Variants in ALPK3 observed in about 807,000 individuals in gnomAD.
The protein encoded by ALPK3 is alpha kinase 3, also known as alpha-protein kinase 3.
A neutral mutation model predicts 140.0 loss-of-function variants in ALPK3; 102 were observed. The observed-to-expected ratio is 0.73, with a 90% CI of 0.62 to 0.86. The LOEUF is 0.86. Ranked by LOEUF, ALPK3 falls within the 40% of genes least tolerant of loss-of-function variation. The probability of loss-of-function intolerance (pLI) is 0.00; values close to 1 mark genes in which losing one functional copy is unlikely to be tolerated. For synonymous variants in ALPK3, 938 were observed against 898.5 expected, an observed-to-expected ratio of 1.04 and a Z score of -0.79; for missense variants, 2,254 against 2,208.2, an observed-to-expected ratio of 1.02 and a Z score of -0.42.
chr15:84,847,205 CGGGGAGAGAGAGAGAGAGAG>C (rs1353610720), intron 5 of ALPK3, among the ~76,000 whole-genome samples: 6 of 106,944 alleles, frequency 5.6e-5, no homozygotes, highest in East Asian at 2.8e-4. Context: ...GAGGGAGAAA[CGGGGAGAGAGAGAGAGAGAG>C]AGAGAGAGAG....
At chr15:84,830,375 A>ATT (rs915986504) in intron 3 of ALPK3, among the ~76,000 whole-genome samples, 4 of 151,750 alleles carry the variant, frequency 2.6e-5, no homozygotes, top group African/African-American at 9.7e-5. Flanking sequence ...TTCTTGGTTT[A>ATT]TTTTTTTGCG....
intron 5 of ALPK3, among the ~76,000 whole-genome samples, chr15:84,847,857 G>A (rs28849813): frequency 1.3e-5 from 2 of 152,212 alleles, no homozygotes; most frequent in Middle Eastern, 3.4e-3. Context: ...TCATGAGTTC[G>A]AGACCAGCCT....
intron 3 of ALPK3, among the ~76,000 whole-genome samples, chr15:84,836,207 A>T (rs1963595669): frequency 6.6e-6 from 1 of 152,210 alleles, no homozygotes; most frequent in South Asian, 2.1e-4. Flanking sequence ...GGGTGGGTGC[A>T]TCAAGCTGGG....
At chr15:84,842,952 C>T (rs1481787999) in intron 5 of ALPK3, among the ~76,000 whole-genome samples, 1 of 152,178 alleles carries the variant, frequency 6.6e-6, no homozygotes, top group Non-Finnish European at 1.5e-5. Context: ...GCCCTCATAG[C>T]TCATTTAGGA....
intron 5 of ALPK3, among the ~76,000 whole-genome samples, chr15:84,851,789 C>G (rs1963805201): frequency 6.6e-6 from 1 of 152,138 alleles, no homozygotes; most frequent in African/African-American, 2.4e-5. Context: ...GATTTCTAGT[C>G]TATTGCAATT....
chr15:84,858,937 G>A (rs1367812307), intron 6 of ALPK3, among the ~76,000 whole-genome samples: 2 of 152,216 alleles, frequency 1.3e-5, no homozygotes, highest in Non-Finnish European at 2.9e-5. Context: ...GGCTTCCAGA[G>A]TTAGGGACCT....
chr15:84,844,556 A>G (rs1963707014), intron 5 of ALPK3, among the ~76,000 whole-genome samples: 1 of 152,158 alleles, frequency 6.6e-6, no homozygotes, highest in Admixed American at 6.5e-5. Context: ...AATACCTAGA[A>G]ACTATAAAAA....
chr15:84,845,835 G>C (rs1963724295), intron 5 of ALPK3, among the ~76,000 whole-genome samples: 1 of 152,208 alleles, frequency 6.6e-6, no homozygotes, highest in South Asian at 2.1e-4. Flanking sequence ...GAAGCAGGCA[G>C]ATCACTTGAG....
At chr15:84,850,634 A>T (rs563201198) in intron 5 of ALPK3, among the ~76,000 whole-genome samples, 75 of 152,048 alleles carry the variant, frequency 4.9e-4, no homozygotes, top group Middle Eastern at 3.4e-3. Flanking sequence ...CAATTCTCCT[A>T]CAATGGCTTC....
Position 84,857,702 on chromosome 15 carries a change from CGGA to C in ALPK3, c.2967_2969del (p.Gly990del). The C allele has an allele frequency of 6.2e-7, 1 of 1,611,412 alleles. No homozygotes were observed. The highest frequency in any genetic ancestry group is 1.1e-5 in the South Asian group (1 of 91,020). On this transcript the variant is annotated inframe_deletion, in exon 6 of 14. Transcript: ENST00000258888. ...GAGAGTCCCAGGTGGGGGCAGCCAC[CGGA>C]GGTCTGGTGCCCTCAGCCACTCTGA...
chr15:84,841,896 G>T (rs978088021), intron 5 of ALPK3, among the ~76,000 whole-genome samples: 2 of 152,158 alleles, frequency 1.3e-5, no homozygotes, highest in Admixed American at 6.5e-5. Flanking sequence ...TCTTATGAGT[G>T]GCAGAAGGAA....
At chr15:84,825,257 A>G (rs1052635476) in intron 2 of ALPK3, among the ~76,000 whole-genome samples, 3 of 151,824 alleles carry the variant, frequency 2.0e-5, no homozygotes, top group Admixed American at 1.3e-4. Flanking sequence ...GCTCACTGCA[A>G]CCTCTGCCTG....
At position 84,872,067 on chromosome 15, in the gene ALPK3, C is replaced by G. The variant is rs1452413535; in HGVS notation, c.*3611C>G. 2.6e-5 allele frequency: 4 copies of G among 152,280 alleles called. No homozygotes were observed. The highest frequency in any genetic ancestry group is 9.6e-5 in the African/African-American group (4 of 41,466). The allele number at this position is 152,280 out of a possible 1,614,324, so 9.4% of individuals were successfully genotyped here. On this transcript the variant is annotated 3_prime_UTR_variant, in exon 14 of 14. Coordinates refer to ENST00000258888, the MANE Select transcript of ALPK3 (RefSeq NM_020778.5). ...CCCACACACGACCCACTGGTGCCTTCAGAGCCTTAGCCTGGAGCGACAGTG... is the reference window on the plus strand; with the variant it reads ...CCCACACACGACCCACTGGTGCCTTGAGAGCCTTAGCCTGGAGCGACAGTG...
At chr15:84,831,931 GCTCTCAGCATAAGA>G in intron 3 of ALPK3, among the ~76,000 whole-genome samples, 1 of 152,222 alleles carries the variant, frequency 6.6e-6, no homozygotes, top group African/African-American at 2.4e-5. Context: ...GGTTGGGTGG[GCTCTCAGCATAAGA>G]CATTTATTTT....
chr15:84,863,364 G>A (rs919190329), intron 10 of ALPK3, among the ~76,000 whole-genome samples, 188 bp from the exon 11 acceptor site: 3 of 152,138 alleles, frequency 2.0e-5, no homozygotes, highest in Admixed American at 1.3e-4. Context: ...GTCCAAAGCC[G>A]CTTGTTATAC....
chr15:84,864,714 G>A, intron 12 of ALPK3, 49 bp downstream of exon 12: 2 of 1,560,566 alleles, frequency 1.3e-6, no homozygotes, highest in Non-Finnish European at 8.8e-7. Context: ...GGATGTGAAA[G>A]CATGCAGAGG....
At chr15:84,865,392 G>A (rs185514774) in intron 12 of ALPK3, among the ~76,000 whole-genome samples, 9 of 151,956 alleles carry the variant, frequency 5.9e-5, no homozygotes, top group Non-Finnish European at 1.3e-4. Flanking sequence ...GATATAAAAC[G>A]GACTCAAATG....
chr15:84,817,382 CGGGGGCCGGGGCCT>C lies in ALPK3; in HGVS notation c.-68_-55del. The C allele has an allele frequency of 8.2e-7, 1 of 1,218,990 alleles. No homozygotes were observed. Among genetic ancestry groups the C allele is most frequent in the Non-Finnish European group, 1.0e-6 (1 of 981,438 alleles). 75.5% of individuals were successfully genotyped at this position (1,218,990 alleles called of 1,614,324 possible). Reference sequence around the variant, plus strand: ...GGAGCGGCGGCGGCGGGCAGGGGCCCGGGGGCCGGGGCCTGGAGGACAGGCGAGGCAGCGGCGAG... The same window carrying C: ...GGAGCGGCGGCGGCGGGCAGGGGCCCGGAGGACAGGCGAGGCAGCGGCGAG... On this transcript the variant is annotated 5_prime_UTR_variant, in exon 1 of 14. Coordinates refer to ENST00000258888, the MANE Select transcript of ALPK3 (RefSeq NM_020778.5).
intron 1 of ALPK3, among the ~76,000 whole-genome samples, chr15:84,819,514 C>T (rs535973171): frequency 3.3e-5 from 5 of 152,260 alleles, no homozygotes; most frequent in South Asian, 2.1e-4. Context: ...GTGGAGGAGG[C>T]GAGGCAGTTC....
Sources: gnomAD v4.1 joint callset for allele counts (sites outside exome capture counted in the v4.1 genomes callset) on GRCh38, gnomAD v4.1.1 for gene constraint, MANE v1.5 for transcripts, NCBI Gene and HGNC (gene_info 2026-07-23, HGNC 2026-07-21) for gene names.